KYAT1: variants seen among roughly 807,000 people sequenced by gnomAD.
KYAT1 encodes the protein kynurenine aminotransferase 1.
A neutral mutation model predicts 52.4 loss-of-function variants in KYAT1; 47 were observed. The ratio of observed to expected loss-of-function variants is 0.90; its 90% CI spans 0.71 to 1.14. The LOEUF (loss-of-function observed/expected upper bound fraction) is 1.14, where lower values mean the gene tolerates loss of function less well. Ranked by LOEUF, KYAT1 falls within the 50% of genes most tolerant of loss-of-function variation. The pLI, the probability that KYAT1 is intolerant of heterozygous loss-of-function variation, is 0.00. For synonymous variants in KYAT1, 212 were observed against 209.6 expected (o/e 1.01, Z -0.10); for missense variants, 480 against 557.9 (o/e 0.86, Z 1.41).
intron 1 of KYAT1, among the ~76,000 whole-genome samples, chr9:128,858,850 A>G (rs1234606861): frequency 6.6e-6 from 1 of 151,656 alleles, no homozygotes; most frequent in Non-Finnish European, 1.5e-5. Context: ...TGTACTAACA[A>G]CACAAAAATT....
At chr9:128,841,804 T>A (rs907885445) in intron 3 of KYAT1, among the ~76,000 whole-genome samples, 6 of 151,718 alleles carry the variant, frequency 4.0e-5, no homozygotes, top group Non-Finnish European at 8.8e-5. Flanking sequence ...TTCAGACCAG[T>A]CTGAGCAACA....
At chr9:128,858,745 C>T (rs941075258) in intron 1 of KYAT1, among the ~76,000 whole-genome samples, 18 of 151,578 alleles carry the variant, frequency 1.2e-4, no homozygotes, top group Admixed American at 3.9e-4. Flanking sequence ...CGGTGGCTCA[C>T]GCTTATAATT....
intron 1 of KYAT1, chr9:128,860,616 A>G (rs1337810417): frequency 7.0e-6 from 1 of 142,830 alleles, no homozygotes; most frequent in African/African-American, 2.7e-5. Context: ...CCCAGGGTGG[A>G]GTGCAGTTGC....
upstream of KYAT1, chr9:128,882,523 T>A (rs1296450344): frequency 2.5e-6 from 1 of 394,230 alleles, no homozygotes; most frequent in African/African-American, 2.1e-5. Flanking sequence ...ACCAGGAGTT[T>A]CCGCCTCGGC....
In KYAT1 at chr9:128,838,111, G is replaced by A. The variant is rs759137803; in HGVS notation, c.378C>T (p.Asp126=). The change falls in exon 5 of 13, where the codon GAC becomes GAT. Residue 126 remains aspartate, a synonymous_variant. Transcript: ENST00000302586. ...CCATCATTGTCATGGGCTCGTAGCA[G>A]TCAAAAAAGGGTTCGATGATGATGA... ...DEVIIIEPFF[D]CYEPMTMMAG... 1.9e-6 allele frequency: 3 copies of A among 1,613,980 alleles called. No individual in the cohort carries two copies. The Admixed American group carries it at 5.0e-5, about 27-fold the overall frequency.
chr9:128,854,756 C>T (rs1239009551), intron 1 of KYAT1, among the ~76,000 whole-genome samples: 2 of 152,138 alleles, frequency 1.3e-5, no homozygotes, highest in African/African-American at 4.8e-5. Flanking sequence ...GGATAATATT[C>T]TATTGAAGTA....
intron 1 of KYAT1, among the ~76,000 whole-genome samples, chr9:128,873,945 CAAAAAA>C (rs55713807): frequency 9.4e-6 from 1 of 105,858 alleles, no homozygotes; most frequent in African/African-American, 3.5e-5. Flanking sequence ...ATCTCCGTCT[CAAAAAA>C]AAAAAAAAAA....
At chr9:128,872,937 A>T (rs1054339727) in intron 1 of KYAT1, among the ~76,000 whole-genome samples, 1 of 151,602 alleles carries the variant, frequency 6.6e-6, no homozygotes, top group East Asian at 1.9e-4. Context: ...TTAGCCGGGC[A>T]TGGTGGCATG....
chr9:128,848,633 C>G lies in KYAT1; in HGVS notation c.-6-3222G>C, dbSNP rs113997339. 3.3e-3 allele frequency among the ~76,000 whole-genome samples: 508 copies of G among 151,700 alleles called. 2 individuals are homozygous for G. The highest frequency in any genetic ancestry group is 0.012 in the African/African-American group (486 of 41,350). On this transcript the variant is annotated intron_variant, in intron 1 of 12. Transcript: ENST00000302586. ...AGAAGTTTGTGACCAGCCTGGCCAACATGCTAAAACCTCGTCTCTACTAAA... is the reference window on the plus strand; with the variant it reads ...AGAAGTTTGTGACCAGCCTGGCCAAGATGCTAAAACCTCGTCTCTACTAAA...
At chr9:128,851,638 C>G (rs143883630) in intron 1 of KYAT1, among the ~76,000 whole-genome samples, 364 of 152,238 alleles carry the variant, frequency 2.4e-3, no homozygotes, top group African/African-American at 8.4e-3. Flanking sequence ...ATTATTAAAG[C>G]AACTTTAGAA....
At chr9:128,862,349 CTGTCCCAATACTTT>C (rs973597876) in intron 1 of KYAT1, among the ~76,000 whole-genome samples, 4 of 152,244 alleles carry the variant, frequency 2.6e-5, no homozygotes, top group African/African-American at 9.6e-5. Context: ...AGGACTCACT[CTGTCCCAATACTTT>C]TGTCACTGGA....
At chr9:128,878,415 A>G (rs1838330255) in intron 1 of KYAT1, among the ~76,000 whole-genome samples, 2 of 152,198 alleles carry the variant, frequency 1.3e-5, no homozygotes, top group Non-Finnish European at 2.9e-5. Flanking sequence ...GATTATAGGC[A>G]TGAACCACCA....
At chr9:128,859,116 A>G (rs1056138421) in intron 1 of KYAT1, among the ~76,000 whole-genome samples, 1 of 152,126 alleles carries the variant, frequency 6.6e-6, no homozygotes, top group African/African-American at 2.4e-5. Flanking sequence ...TAATCCCAGC[A>G]TTTTGGGAGG....
intron 1 of KYAT1, among the ~76,000 whole-genome samples, chr9:128,848,146 A>G (rs1833399074): frequency 6.6e-6 from 1 of 151,434 alleles, no homozygotes; most frequent in Non-Finnish European, 1.5e-5. Context: ...ATACTGAAAC[A>G]CCGTCTCTAC....
In KYAT1 at chr9:128,833,755, G is replaced by A; in HGVS notation, c.1194C>T (p.Arg398=). The A allele has an allele frequency of 6.2e-7, 1 of 1,614,236 alleles. No homozygotes were observed. The highest frequency in any genetic ancestry group is 1.1e-5 in the South Asian group (1 of 91,088). Residue 398 remains arginine, a synonymous_variant, in exon 12 of 13, where the codon CGC becomes CGT. Transcript: ENST00000302586. The part of the protein sequence containing the change: ...PHQKHFDHYI[R]FCFVKDEATL... ...TGCCCTTTACCTTCACAAAACAGAA[G>A]CGGATATAGTGGTCAAAGTGCTTCT...
intron 3 of KYAT1, among the ~76,000 whole-genome samples, chr9:128,840,286 GT>G (rs1831914885): frequency 2.6e-5 from 4 of 151,996 alleles, no homozygotes; most frequent in African/African-American, 9.7e-5. Context: ...TGTTGTTGTT[GT>G]TGTTGTTGTC....
intron 1 of KYAT1, chr9:128,847,496 G>T: frequency 6.5e-7 from 1 of 1,536,016 alleles, no homozygotes. Context: ...GCCCCACCAG[G>T]TGCACAGAGA....
Position 128,843,574 on chromosome 9 carries a change from T to TTGC in KYAT1, c.54-776_54-774dup, listed in dbSNP as rs776129984. On this transcript the variant is annotated intron_variant, in intron 2 of 12. Coordinates refer to ENST00000302586, the MANE Select transcript of KYAT1 (RefSeq NM_004059.5). The stretch of plus-strand genomic sequence containing the variant: ...TTGTATTTTTAGTACAGATGGGGTT[T>TTGC]TGCTATGTTGGCCAGGCTGGTCTCG... 2.0e-5 allele frequency among the ~76,000 whole-genome samples: 3 copies of TTGC among 152,170 alleles called. No homozygotes were observed. In the East Asian group the frequency reaches 5.8e-4, roughly 29 times the overall value.
intron 1 of KYAT1, among the ~76,000 whole-genome samples, chr9:128,876,688 A>G (rs1420334642): frequency 3.4e-5 from 5 of 147,302 alleles, no homozygotes; most frequent in African/African-American, 1.0e-4. Context: ...CAAAGTGCTG[A>G]GATTACAGGC....
Sources: gnomAD v4.1 joint callset for allele counts (sites outside exome capture counted in the v4.1 genomes callset) on GRCh38, gnomAD v4.1.1 for gene constraint, MANE v1.5 for transcripts, NCBI Gene and HGNC (gene_info 2026-07-23, HGNC 2026-07-21) for gene names.